XKR9: variants seen among roughly 807,000 people sequenced by gnomAD.
XKR9 encodes the protein XK-related protein 9.
Under a neutral mutation model 32.0 loss-of-function variants are expected in XKR9, and 32 were observed. That is an observed-to-expected ratio of 1.00 (90% CI 0.76 to 1.34). The LOEUF is 1.34. Ranked by LOEUF, XKR9 falls within the 40% of genes most tolerant of loss-of-function variation. The probability of loss-of-function intolerance (pLI) is 0.00; values close to 1 mark genes in which losing one functional copy is unlikely to be tolerated. For synonymous variants in XKR9, 168 were observed against 143.4 expected, an observed-to-expected ratio of 1.17 and a Z score of -1.22; for missense variants, 546 against 429.7, an observed-to-expected ratio of 1.27 and a Z score of -2.39.
chr8:70,899,584 CTT>C, the XKR9 span, among the ~76,000 whole-genome samples: 10 of 152,126 alleles, frequency 6.6e-5, no homozygotes, highest in Admixed American at 1.3e-4. Flanking sequence ...CTTGGGCTCT[CTT>C]TGCACTTTGG....
the XKR9 span, among the ~76,000 whole-genome samples, chr8:71,052,847 C>T: frequency 1.3e-5 from 2 of 152,172 alleles, no homozygotes; most frequent in African/African-American, 4.8e-5. Context: ...CTGATCATGT[C>T]GTGTGTAACT....
chr8:71,025,210 G>C, the XKR9 span, among the ~76,000 whole-genome samples: 1 of 152,120 alleles, frequency 6.6e-6, no homozygotes, highest in East Asian at 1.9e-4. Flanking sequence ...ACTCAACATA[G>C]GAACTTCCTG....
the XKR9 span, among the ~76,000 whole-genome samples, chr8:71,031,907 G>A: frequency 6.6e-6 from 1 of 152,092 alleles, no homozygotes; most frequent in Non-Finnish European, 1.5e-5. Flanking sequence ...ACTGGCATTT[G>A]CCTATTGTGC....
At position 70,733,757 on chromosome 8, in the gene XKR9, T is replaced by C. The variant is rs532033377; in HGVS notation, c.494-39T>C. 4.9e-6 allele frequency: 7 copies of C among 1,441,434 alleles called. No homozygotes were observed. The African/African-American group carries it at 1.0e-4, about 21-fold the overall frequency. The allele number at this position is 1,441,434 out of a possible 1,614,324, so 89.3% of individuals were successfully genotyped here. ...ATATAGTAATCTAATATTTCTATTA[T>C]TCCTATAACAATATATTTTTTATTT... On this transcript the variant is annotated intron_variant, in intron 4 of 4. Transcript: ENST00000408926.
the XKR9 span, among the ~76,000 whole-genome samples, chr8:70,914,042 A>C: frequency 2.6e-5 from 4 of 152,166 alleles, no homozygotes; most frequent in African/African-American, 4.8e-5. Context: ...AACATTTAAA[A>C]ATATATTTTG....
chr8:71,053,109 G>A, the XKR9 span, among the ~76,000 whole-genome samples: 47 of 152,314 alleles, frequency 3.1e-4, no homozygotes, highest in African/African-American at 1.1e-3. Flanking sequence ...ATTGCCTTCC[G>A]TATATATTAG....
intron 3 of XKR9, among the ~76,000 whole-genome samples, chr8:70,691,331 T>C (rs1448257031): frequency 6.6e-6 from 1 of 152,180 alleles, no homozygotes; most frequent in African/African-American, 2.4e-5. Context: ...ACATGCATAG[T>C]TGGCAAATTC....
intron 3 of XKR9, among the ~76,000 whole-genome samples, chr8:70,689,718 C>T (rs1328628053): frequency 2.0e-5 from 3 of 151,932 alleles, no homozygotes; most frequent in Non-Finnish European, 4.4e-5. Flanking sequence ...ACTTTCTATG[C>T]TGAAATGAAA....
the XKR9 span, among the ~76,000 whole-genome samples, chr8:70,823,824 C>T: frequency 1.3e-5 from 2 of 152,210 alleles, no homozygotes; most frequent in Non-Finnish European, 2.9e-5. Flanking sequence ...TGTCCTTGAT[C>T]AAGTGGACAG....
At chr8:71,016,201 C>G in the XKR9 span, among the ~76,000 whole-genome samples, 1 of 152,066 alleles carries the variant, frequency 6.6e-6, no homozygotes, top group Admixed American at 6.6e-5. Context: ...CTTTTTAGTG[C>G]TCTCAACTTT....
the XKR9 span, among the ~76,000 whole-genome samples, chr8:70,799,343 T>C: frequency 6.6e-6 from 1 of 152,176 alleles, no homozygotes; most frequent in Non-Finnish European, 1.5e-5. Flanking sequence ...TTTATTTATT[T>C]TTTTTGAGAC....
intron 3 of XKR9, among the ~76,000 whole-genome samples, chr8:70,683,009 C>T (rs550087595): frequency 6.6e-6 from 1 of 152,306 alleles, no homozygotes; most frequent in South Asian, 2.1e-4. Context: ...CTCTTCTTGC[C>T]TAACAACAGC....
the XKR9 span, among the ~76,000 whole-genome samples, chr8:70,849,178 T>C: frequency 6.6e-6 from 1 of 152,138 alleles, no homozygotes; most frequent in Non-Finnish European, 1.5e-5. Flanking sequence ...ATTCTAAAAT[T>C]GACCACATGG....
chr8:70,797,739 G>T, the XKR9 span, among the ~76,000 whole-genome samples: 2 of 151,994 alleles, frequency 1.3e-5, no homozygotes, highest in South Asian at 2.1e-4. Context: ...GGTGTCTGTT[G>T]TTCCCTTCTT....
the XKR9 span, among the ~76,000 whole-genome samples, chr8:70,940,957 A>T: frequency 6.6e-6 from 1 of 152,084 alleles, no homozygotes; most frequent in African/African-American, 2.4e-5. Flanking sequence ...GTGCCATACA[A>T]ACTTTTTTAT....
the XKR9 span, among the ~76,000 whole-genome samples, chr8:71,034,377 A>T: frequency 6.6e-6 from 1 of 151,974 alleles, no homozygotes; most frequent in African/African-American, 2.4e-5. Context: ...CATAATTGTA[A>T]ATTTCCTGAC....
the XKR9 span, among the ~76,000 whole-genome samples, chr8:70,948,836 C>G: frequency 6.6e-6 from 1 of 152,156 alleles, no homozygotes; most frequent in South Asian, 2.1e-4. Flanking sequence ...AAGCTCAGGA[C>G]AAAGGGTAAT....
chr8:70,786,065 C>T (rs1807684721), intron 2 of XKR9, among the ~76,000 whole-genome samples: 1 of 151,914 alleles, frequency 6.6e-6, no homozygotes, highest in Non-Finnish European at 1.5e-5. Context: ...TGTTTAATTT[C>T]CATGTATTTG....
the XKR9 span, among the ~76,000 whole-genome samples, chr8:70,953,010 A>G: frequency 6.6e-6 from 1 of 152,232 alleles, no homozygotes; most frequent in Non-Finnish European, 1.5e-5. Flanking sequence ...CGCACGGAGA[A>G]CTGAATGTGG....
Sources: gnomAD v4.1 joint callset for allele counts (sites outside exome capture counted in the v4.1 genomes callset) on GRCh38, gnomAD v4.1.1 for gene constraint, MANE v1.5 for transcripts, NCBI Gene and HGNC (gene_info 2026-07-23, HGNC 2026-07-21) for gene names.